The following MYT1L variants were observed in gnomAD, a reference collection of about 807,000 sequenced individuals.
MYT1L encodes the protein myelin transcription factor 1 like, also known as myelin transcription factor 1-like protein.
In MYT1L, 12 loss-of-function variants were observed where a neutral mutation model predicts 126.7. The observed-to-expected ratio is 0.09, with a 90% confidence interval of 0.06 to 0.15. The LOEUF is 0.15. Ranked by LOEUF, MYT1L falls within the 10% of genes least tolerant of loss-of-function variation. The pLI is 1.00. For missense variants in MYT1L, 979 were observed against 1,585.2 expected (o/e 0.62, Z 6.49); for synonymous variants, 541 against 604.2 (o/e 0.90, Z 1.53).
At chr2:2,134,696 T>G (rs2082815627) in intron 3 of MYT1L, among the ~76,000 whole-genome samples, 1 of 152,176 alleles carries the variant, frequency 6.6e-6, no homozygotes, top group Non-Finnish European at 1.5e-5. Context: ...GACAACAGAT[T>G]TGCCAGCACT....
At chr2:2,203,878 C>A (rs534106771) in intron 2 of MYT1L, among the ~76,000 whole-genome samples, 17 of 152,192 alleles carry the variant, frequency 1.1e-4, no homozygotes, top group Admixed American at 1.1e-3. Flanking sequence ...AGGCTACAGT[C>A]ACCAAAACAG....
At chr2:1,918,541 A>G (rs1289301887) in intron 10 of MYT1L, among the ~76,000 whole-genome samples, 1 of 152,222 alleles carries the variant, frequency 6.6e-6, no homozygotes, top group Non-Finnish European at 1.5e-5. Context: ...CTGGATTTAG[A>G]ATTTTTTGAA....
intron 4 of MYT1L, among the ~76,000 whole-genome samples, chr2:2,037,851 A>G (rs1480636160): frequency 6.6e-6 from 1 of 152,122 alleles, no homozygotes; most frequent in African/African-American, 2.4e-5. Flanking sequence ...TCAAAACTAC[A>G]GTTTTTCAAA....
rs2060456317 is a variant in MYT1L, at chr2:1,979,707, G to C, written c.55+16C>G. Reference sequence around the variant, plus strand: ...ACCCTGAGCCGGCCTCAGGATGCAGGGAAGCGCGGACATACCTCGAACCCC... The same window carrying C: ...ACCCTGAGCCGGCCTCAGGATGCAGCGAAGCGCGGACATACCTCGAACCCC... On this transcript the variant is annotated intron_variant, in intron 6 of 24. Transcript: ENST00000647738. The surrounding 1 kb of genome is among the most constrained non-coding windows in gnomAD (Gnocchi z 4.0). 6.2e-7 allele frequency: 1 copy of C among 1,613,876 alleles called. No individual in the cohort carries two copies. Among genetic ancestry groups the C allele is most frequent in the Non-Finnish European group, 8.5e-7 (1 of 1,179,898 alleles).
At chr2:1,895,812 T>C (rs534228765) in intron 14 of MYT1L, among the ~76,000 whole-genome samples, 6 of 151,962 alleles carry the variant, frequency 3.9e-5, no homozygotes, top group Non-Finnish European at 7.4e-5. Context: ...CCAAAAGCAA[T>C]TGCAACAAAA....
At chr2:2,180,777 T>C (rs2148630603) in intron 2 of MYT1L, among the ~76,000 whole-genome samples, 1 of 151,398 alleles carries the variant, frequency 6.6e-6, no homozygotes, top group Non-Finnish European at 1.5e-5. Context: ...CCTGTATTTG[T>C]ACCTGTGTGT....
At chr2:2,047,156 C>T (rs2068282217) in intron 4 of MYT1L, among the ~76,000 whole-genome samples, 1 of 152,228 alleles carries the variant, frequency 6.6e-6, no homozygotes, top group South Asian at 2.1e-4. Flanking sequence ...CACCTTTCTA[C>T]ATTGTCTTGA....
At chr2:1,955,768 G>C (rs2058288273) in intron 8 of MYT1L, among the ~76,000 whole-genome samples, 1 of 152,188 alleles carries the variant, frequency 6.6e-6, no homozygotes, top group African/African-American at 2.4e-5. Flanking sequence ...GAACCCATCT[G>C]TCCTGGGATG....
rs1200320626 is a variant in MYT1L at position 1,925,227 on chromosome 2, G to A, written c.506-1964C>T. On this transcript the variant is annotated intron_variant, in intron 9 of 24. Transcript: ENST00000647738. ...CTACATTTCCTTTATGGAACTCATTGTGTGGTCCTGAAGAATTTGGAAAAG... is the reference window on the plus strand; with the variant it reads ...CTACATTTCCTTTATGGAACTCATTATGTGGTCCTGAAGAATTTGGAAAAG... 2.0e-5 allele frequency among the ~76,000 whole-genome samples: 3 copies of A among 152,204 alleles called. No individual in the cohort carries two copies. The East Asian group carries it at 5.8e-4, about 29-fold the overall frequency.
chr2:2,101,448 A>G (rs192680101), intron 3 of MYT1L, among the ~76,000 whole-genome samples: 1 of 152,216 alleles, frequency 6.6e-6, no homozygotes, highest in African/African-American at 2.4e-5. Flanking sequence ...CCACTCATCA[A>G]TCTACCACCC....
intron 4 of MYT1L, among the ~76,000 whole-genome samples, chr2:2,041,138 G>T (rs1327448684): frequency 6.6e-6 from 1 of 152,160 alleles, no homozygotes; most frequent in Non-Finnish European, 1.5e-5. Context: ...TATTACTGGT[G>T]CATTAATAAT....
At chr2:1,822,377 C>T (rs1310167649) in intron 21 of MYT1L, among the ~76,000 whole-genome samples, 2 of 152,216 alleles carry the variant, frequency 1.3e-5, no homozygotes. Flanking sequence ...CTAATAAACC[C>T]AGTATTGAGG....
At chr2:1,814,026 C>CAAAAAA (rs1304502003) in intron 21 of MYT1L, among the ~76,000 whole-genome samples, 1 of 88,388 alleles carries the variant, frequency 1.1e-5, no homozygotes, top group Non-Finnish European at 2.3e-5. Flanking sequence ...GACTCCGTCC[C>CAAAAAA]CAAAAAAAAA....
intron 14 of MYT1L, among the ~76,000 whole-genome samples, chr2:1,892,763 G>A (rs1042587058): frequency 2.0e-5 from 3 of 152,150 alleles, no homozygotes; most frequent in Non-Finnish European, 4.4e-5. Context: ...ACCTGGATCC[G>A]CGGTCCCTTA....
chr2:1,809,343 A>G (rs2036210739), intron 21 of MYT1L, among the ~76,000 whole-genome samples, 176 bp from the exon 22 acceptor site: 1 of 152,136 alleles, frequency 6.6e-6, no homozygotes, highest in Non-Finnish European at 1.5e-5. Context: ...TTATGCACAC[A>G]TGGGGTGCAT....
At position 1,840,648 on chromosome 2, in the gene MYT1L, G is replaced by A. The variant is rs1385570472; in HGVS notation, c.2858+112C>T. The A allele has an allele frequency of 5.3e-6, 4 of 753,992 alleles. No homozygotes were observed. In the East Asian group the frequency reaches 1.1e-4, roughly 21 times the overall value. 46.7% of individuals were successfully genotyped at this position (753,992 alleles called of 1,614,324 possible). ...GCATTTGTGGAAATCTCAAAGAATG[G>A]CCACTAAGACCCGCTGTCTCTTTTT... On this transcript the variant is annotated intron_variant, in intron 20 of 24. Coordinates refer to ENST00000647738, the MANE Select transcript of MYT1L (RefSeq NM_001303052.2).
At chr2:2,206,316 G>T (rs80072150) in intron 2 of MYT1L, among the ~76,000 whole-genome samples, 1,826 of 152,202 alleles carry the variant, frequency 0.012, 50 homozygotes, top group East Asian at 0.075. Flanking sequence ...ACATCTATTT[G>T]TACCATTCAC....
intron 1 of MYT1L, among the ~76,000 whole-genome samples, chr2:2,302,896 G>T (rs1274275848): frequency 1.3e-5 from 2 of 152,110 alleles, no homozygotes; most frequent in Admixed American, 6.5e-5. Context: ...TTGGCTTTTA[G>T]TACTATTTGT....
chr2:2,325,308 G>T (rs1316288880), intron 1 of MYT1L: 1 of 152,052 alleles, frequency 6.6e-6, no homozygotes. Context: ...AATCGTTTTC[G>T]GGTTGCCAAC....
Sources: gnomAD v4.1 joint callset for allele counts (sites outside exome capture counted in the v4.1 genomes callset) on GRCh38, gnomAD v4.1.1 for gene constraint, Gnocchi (gnomAD v3.1) non-coding constraint, MANE v1.5 for transcripts, NCBI Gene and HGNC (gene_info 2026-07-23, HGNC 2026-07-21) for gene names.